DPP10: variants seen among roughly 807,000 people sequenced by gnomAD.
DPP10 encodes inactive dipeptidyl peptidase 10.
DPP10 carries 33 observed loss-of-function variants against 120.9 expected under a neutral mutation model. The ratio of observed to expected loss-of-function variants is 0.27; its 90% CI spans 0.21 to 0.37. DPP10 has a LOEUF of 0.37. DPP10 is among the 10% of genes least tolerant of loss of function. The pLI, the probability that DPP10 is intolerant of heterozygous loss-of-function variation, is 1.00. For synonymous variants in DPP10, 337 were observed against 326.1 expected (o/e 1.03, Z -0.36); for missense variants, 816 against 942.8 (o/e 0.87, Z 1.76).
In DPP10 at chr2:115,383,760, C is replaced by G. The variant is rs185017330; in HGVS notation, c.271+39848C>G. ...TAATAATTTGATTTTTAATGTGTAT[C>G]TCTTATATAATAATGATTTTGAGCA... is the stretch of plus-strand genomic sequence containing the variant. On this transcript the variant is annotated intron_variant, in intron 3 of 25. Transcript: ENST00000410059. Among the ~76,000 whole-genome samples the G allele has an allele frequency of 4.8e-3, 734 of 152,118 alleles. 7 individuals are homozygous for G. Among genetic ancestry groups the G allele is most frequent in the African/African-American group, 0.016 (661 of 41,516 alleles).
At chr2:115,079,194 C>T (rs1708049067) in intron 1 of DPP10, among the ~76,000 whole-genome samples, 1 of 152,002 alleles carries the variant, frequency 6.6e-6, no homozygotes, top group African/African-American at 2.4e-5. Flanking sequence ...TCCTGGCTAA[C>T]GCGGTGAAAC....
At chr2:115,251,168 T>C (rs1057025217) in intron 1 of DPP10, among the ~76,000 whole-genome samples, 2 of 152,236 alleles carry the variant, frequency 1.3e-5, no homozygotes, top group Non-Finnish European at 2.9e-5. Flanking sequence ...GATTGGAATC[T>C]ATGACTATTT....
At chr2:115,008,684 C>G (rs915948432) in intron 1 of DPP10, among the ~76,000 whole-genome samples, 8 of 114,786 alleles carry the variant, frequency 7.0e-5, no homozygotes, top group African/African-American at 2.3e-4. Flanking sequence ...ACTCATCTGA[C>G]AAAGGGCTAA....
At chr2:115,699,671 C>T (rs2091797536) in intron 7 of DPP10, among the ~76,000 whole-genome samples, 2 of 152,300 alleles carry the variant, frequency 1.3e-5, no homozygotes, top group South Asian at 2.1e-4. Context: ...GAGGAGAAAG[C>T]ACTTCTTAAC....
intron 1 of DPP10, among the ~76,000 whole-genome samples, chr2:115,244,588 A>C (rs1004170439): frequency 6.6e-6 from 1 of 151,886 alleles, no homozygotes; most frequent in South Asian, 2.1e-4. Context: ...GAGAGAGAGA[A>C]TGTGCTGTAA....
intron 7 of DPP10, among the ~76,000 whole-genome samples, chr2:115,709,723 T>A (rs990966187): frequency 2.0e-5 from 3 of 151,414 alleles, no homozygotes; most frequent in Non-Finnish European, 4.4e-5. Context: ...CTGAAAAAAT[T>A]AAGAAATTTA....
intron 13 of DPP10, among the ~76,000 whole-genome samples, chr2:115,775,355 T>C (rs924923618): frequency 6.6e-6 from 1 of 151,924 alleles, no homozygotes; most frequent in Non-Finnish European, 1.5e-5. Flanking sequence ...TAATAATAAC[T>C]TGGACAGTTC....
intron 3 of DPP10, among the ~76,000 whole-genome samples, chr2:115,459,785 T>C (rs1178321925): frequency 1.3e-5 from 2 of 151,796 alleles, no homozygotes; most frequent in African/African-American, 2.4e-5. Flanking sequence ...CTTCCAACAG[T>C]TGAATGACTG....
intron 1 of DPP10, among the ~76,000 whole-genome samples, chr2:114,939,832 A>C (rs780914180): frequency 6.6e-6 from 1 of 152,184 alleles, no homozygotes; most frequent in Non-Finnish European, 1.5e-5. Context: ...ATTTACAGCT[A>C]TGGCTCATAC....
chr2:115,159,900 T>C (rs532548184), intron 1 of DPP10, among the ~76,000 whole-genome samples: 6 of 152,308 alleles, frequency 3.9e-5, no homozygotes, highest in African/African-American at 1.2e-4. Context: ...CATGTACTTA[T>C]CCTGTGTGAC....
intron 5 of DPP10, among the ~76,000 whole-genome samples, chr2:115,601,002 A>G (rs985746397): frequency 6.6e-6 from 1 of 152,194 alleles, no homozygotes; most frequent in Non-Finnish European, 1.5e-5. Context: ...TAGAAAAATA[A>G]TAAAAAGCTT....
chr2:115,088,745 C>T (rs1708951954), intron 1 of DPP10, among the ~76,000 whole-genome samples: 1 of 9,274 alleles, frequency 1.1e-4, no homozygotes, highest in Non-Finnish European at 8.2e-4. Context: ...AGCCACTGTG[C>T]CTGACAAAAA....
intron 1 of DPP10, among the ~76,000 whole-genome samples, chr2:115,008,769 G>T (rs1175399210): frequency 1.6e-5 from 1 of 63,402 alleles, no homozygotes; most frequent in African/African-American, 4.6e-5. Flanking sequence ...GTGGGCGAAG[G>T]ACGTGAACAG....
At chr2:115,279,205 A>AT (rs1218956854) in intron 1 of DPP10, among the ~76,000 whole-genome samples, 1 of 151,232 alleles carries the variant, frequency 6.6e-6, no homozygotes, top group Non-Finnish European at 1.5e-5. Context: ...GGACATTAAA[A>AT]CCATGGGAGG....
At chr2:115,714,101 A>G (rs953285966) in intron 7 of DPP10, among the ~76,000 whole-genome samples, 1 of 152,150 alleles carries the variant, frequency 6.6e-6, no homozygotes, top group Non-Finnish European at 1.5e-5. Context: ...AAAGTATCAC[A>G]CAGAACCACA....
At chr2:115,762,887 G>A (rs1328671210) in intron 12 of DPP10, among the ~76,000 whole-genome samples, 2 of 152,036 alleles carry the variant, frequency 1.3e-5, no homozygotes, top group Non-Finnish European at 2.9e-5. Flanking sequence ...TGTAGATGAA[G>A]GAGAAAAACT....
At chr2:115,349,835 G>A (rs990246599) in intron 3 of DPP10, among the ~76,000 whole-genome samples, 6 of 152,060 alleles carry the variant, frequency 3.9e-5, no homozygotes, top group Admixed American at 6.6e-5. Flanking sequence ...AGAAGTTGTT[G>A]TGTTTCTCAG....
intron 1 of DPP10, among the ~76,000 whole-genome samples, chr2:115,070,884 GC>G (rs1417184619): frequency 1.3e-5 from 2 of 152,040 alleles, no homozygotes; most frequent in Non-Finnish European, 2.9e-5. Flanking sequence ...ATTGCACTTA[GC>G]CTTCACCTAA....
Position 114,825,872 on chromosome 2 carries a change from A to C in DPP10, c.60+383034A>C, listed in dbSNP as rs371096330. Among the ~76,000 whole-genome samples the C allele has an allele frequency of 4.6e-5, 7 of 152,326 alleles. No individual in the cohort carries two copies. The South Asian group carries it at 1.5e-3, about 32-fold the overall frequency. On this transcript the variant is annotated intron_variant, in intron 1 of 25. Coordinates refer to ENST00000410059, the MANE Select transcript of DPP10 (RefSeq NM_020868.6). ...AACTGTAAGGTTGTGATCAGCTTCT[A>C]CTGGTGAGGGAGAGAGATGATTAAT...
Sources: gnomAD v4.1 joint callset for allele counts (sites outside exome capture counted in the v4.1 genomes callset) on GRCh38, gnomAD v4.1.1 for gene constraint, MANE v1.5 for transcripts, NCBI Gene and HGNC (gene_info 2026-07-23, HGNC 2026-07-21) for gene names.